FAAH2: variants seen among roughly 807,000 people sequenced by gnomAD.
FAAH2 encodes the protein fatty-acid amide hydrolase 2.
Under a neutral mutation model 36.9 loss-of-function variants are expected in FAAH2, and 60 were observed. The ratio of observed to expected loss-of-function variants is 1.63; its 90% CI spans 1.32 to 2.02. The LOEUF is 2.02. Among genes scored for constraint, FAAH2 ranks in the 30% most tolerant of loss-of-function variants. FAAH2 has a pLI of 0.00. For missense variants in FAAH2, 689 were observed against 397.5 expected (o/e 1.73, Z -6.23); for synonymous variants, 214 against 143.8 (o/e 1.49, Z -3.49).
At chrX:57,381,281 T>C (rs982243470) in intron 7 of FAAH2, among the ~76,000 whole-genome samples, 1 of 111,866 alleles carries the variant, frequency 8.9e-6, no homozygotes, top group African/African-American at 3.2e-5. Flanking sequence ...GAGGTAACTG[T>C]CATTAATAAT....
intron 7 of FAAH2, among the ~76,000 whole-genome samples, chrX:57,421,824 A>G (rs137873152): frequency 8.9e-6 from 1 of 111,913 alleles, no homozygotes; most frequent in Non-Finnish European, 1.9e-5. Flanking sequence ...TAGAAGAGGC[A>G]TTATGATGGG....
At chrX:57,261,552 C>CAAAAAAAAA in the FAAH2 span, among the ~76,000 whole-genome samples, 5 of 23,382 alleles carry the variant, frequency 2.1e-4, no homozygotes, top group African/African-American at 3.8e-4. Flanking sequence ...GACTCTGTCT[C>CAAAAAAAAA]AAAAAAAAAA....
intron 7 of FAAH2, among the ~76,000 whole-genome samples, chrX:57,428,981 A>G (rs2056228491): frequency 9.0e-6 from 1 of 111,721 alleles, no homozygotes; most frequent in South Asian, 3.7e-4. Flanking sequence ...CAAACAATAC[A>G]TCCAATAAAA....
the FAAH2 span, among the ~76,000 whole-genome samples, chrX:57,266,772 G>C: frequency 8.9e-6 from 1 of 112,263 alleles, no homozygotes; most frequent in South Asian, 3.7e-4. Context: ...TGGGATGGAG[G>C]CTCCAGGAGA....
At chrX:57,198,236 G>A in the FAAH2 span, among the ~76,000 whole-genome samples, 1 of 111,523 alleles carries the variant, frequency 9.0e-6, no homozygotes, top group Non-Finnish European at 1.9e-5. Flanking sequence ...CTCTTCTTTG[G>A]TAGGAATTGC....
intron 10 of FAAH2, among the ~76,000 whole-genome samples, chrX:57,480,808 C>T (rs2057366101): frequency 9.0e-6 from 1 of 111,288 alleles, no homozygotes; most frequent in African/African-American, 3.3e-5. Context: ...GGGAATTTTC[C>T]TGGATAATAT....
At chrX:57,258,707 G>GT in the FAAH2 span, among the ~76,000 whole-genome samples, 1 of 86,250 alleles carries the variant, frequency 1.2e-5, no homozygotes, top group African/African-American at 5.7e-5. Context: ...TTTTTTTGTT[G>GT]CCTTTTTTTT....
intron 5 of FAAH2, among the ~76,000 whole-genome samples, chrX:57,361,537 T>A (rs1040964097): frequency 2.7e-5 from 3 of 111,971 alleles, no homozygotes; most frequent in Non-Finnish European, 5.6e-5. Flanking sequence ...ATTTCTTTAT[T>A]TACTTATTGT....
chrX:57,386,066 TAAAAG>T (rs1051992276), intron 7 of FAAH2, among the ~76,000 whole-genome samples: 1 of 111,715 alleles, frequency 9.0e-6, no homozygotes, highest in African/African-American at 3.2e-5. Flanking sequence ...TTAATGAGGA[TAAAAG>T]AAAAGTGAGA....
At chrX:57,444,048 C>T (rs2147162430) in intron 8 of FAAH2, among the ~76,000 whole-genome samples, 1 of 112,024 alleles carries the variant, frequency 8.9e-6, no homozygotes, top group South Asian at 3.7e-4. Flanking sequence ...AGTTAGGCTA[C>T]CTGGGGGTCA....
intron 10 of FAAH2, among the ~76,000 whole-genome samples, chrX:57,452,683 A>G (rs137916405): frequency 0.025 from 2,831 of 112,264 alleles, 101 homozygotes; most frequent in African/African-American, 0.086. Context: ...AAGAATGAAC[A>G]TCCCAGAATA....
At chrX:57,467,472 G>T (rs946670455) in intron 10 of FAAH2, among the ~76,000 whole-genome samples, 10 of 111,975 alleles carry the variant, frequency 8.9e-5, no homozygotes, top group Non-Finnish European at 1.7e-4. Context: ...CTGGCTCAGA[G>T]GGTCCTACAC....
chrX:57,205,176 T>C, the FAAH2 span, among the ~76,000 whole-genome samples: 2 of 112,857 alleles, frequency 1.8e-5, no homozygotes, highest in Non-Finnish European at 3.7e-5. Context: ...TAACTCCTCC[T>C]GTAAAAGATG....
At chrX:57,254,009 A>T in the FAAH2 span, among the ~76,000 whole-genome samples, 1 of 111,345 alleles carries the variant, frequency 9.0e-6, no homozygotes, top group African/African-American at 3.3e-5. Flanking sequence ...TAAAGAGTGA[A>T]GACCCATTGG....
At chrX:57,233,187 C>A in the FAAH2 span, among the ~76,000 whole-genome samples, 1 of 111,323 alleles carries the variant, frequency 9.0e-6, no homozygotes, top group Non-Finnish European at 1.9e-5. Context: ...AGAGATATGT[C>A]ATTTTGTGTC....
rs146496588 is a variant in FAAH2, at chrX:57,373,389, C to CTTT, written c.743-5252_743-5250dup. Among the ~76,000 whole-genome samples the CTTT allele has an allele frequency of 7.9e-5, 8 of 101,748 alleles. No homozygotes were observed. The East Asian group carries it at 2.5e-3, about 32-fold the overall frequency. The allele number at this position is 101,748 out of a possible 115,157, so 88.4% of individuals were successfully genotyped here. On this transcript the variant is annotated intron_variant, in intron 5 of 10. Transcript: ENST00000374900. ...TTTTTCAATGCATCCATGCCAACAT[C>CTTT]TTTTTTTTTTTTATTTGATTATGGC...
chrX:57,288,338 C>CTTTTTT lies in FAAH2; in HGVS notation c.192+1345_192+1350dup, dbSNP rs771871081. On this transcript the variant is annotated intron_variant, in intron 1 of 10. Coordinates refer to ENST00000374900, the MANE Select transcript of FAAH2 (RefSeq NM_174912.4). ...TAGCTCTGTGATCTTAAAAACATTT[C>CTTTTTT]TTTTTTTTTTTTTTTTTTTTTTTTT... Among the ~76,000 whole-genome samples the CTTTTTT allele has an allele frequency of 8.9e-4, 36 of 40,352 alleles. 1 individual carries two copies. The highest frequency in any genetic ancestry group is 1.1e-3 in the Non-Finnish European group (27 of 24,785). 35.0% of individuals were successfully genotyped at this position (40,352 alleles called of 115,157 possible). A position where few individuals can be genotyped will look rare whatever the true frequency, so the allele number is the denominator to read the frequency against.
At chrX:57,272,291 G>A in the FAAH2 span, among the ~76,000 whole-genome samples, 17 of 110,959 alleles carry the variant, frequency 1.5e-4, no homozygotes, top group South Asian at 1.1e-3. Flanking sequence ...TGGTGTATCT[G>A]AAAGTGATGG....
chrX:57,398,496 T>C (rs1406285710), intron 7 of FAAH2, among the ~76,000 whole-genome samples: 1 of 111,609 alleles, frequency 9.0e-6, no homozygotes, highest in East Asian at 2.8e-4. Flanking sequence ...GCATTGCGGA[T>C]CTGGTTGCTT....
Sources: gnomAD v4.1 joint callset for allele counts (sites outside exome capture counted in the v4.1 genomes callset) on GRCh38, gnomAD v4.1.1 for gene constraint, MANE v1.5 for transcripts, NCBI Gene and HGNC (gene_info 2026-07-23, HGNC 2026-07-21) for gene names.